The following MAPK8IP1 variants were observed in gnomAD, a reference collection of about 807,000 sequenced individuals.
MAPK8IP1 encodes the protein mitogen-activated protein kinase 8 interacting protein 1.
MAPK8IP1 carries 17 observed loss-of-function variants against 72.6 expected under a neutral mutation model. The observed-to-expected ratio is 0.23, with a 90% CI of 0.16 to 0.35. MAPK8IP1 has a LOEUF of 0.35. Among genes scored for constraint, MAPK8IP1 ranks in the 10% least tolerant of loss-of-function variants. The pLI is 1.00. For missense variants in MAPK8IP1, 789 were observed against 1,009.7 expected (o/e 0.78, Z 2.96); for synonymous variants, 401 against 443.4 (o/e 0.90, Z 1.20).
intron 1 of MAPK8IP1, among the ~76,000 whole-genome samples, chr11:45,887,057 C>T (rs1191790478): frequency 6.6e-6 from 1 of 152,178 alleles, no homozygotes; most frequent in Non-Finnish European, 1.5e-5. Context: ...GGCCTGAAGG[C>T]TCCAGGGCTG....
At chr11:45,897,124 T>C (rs1171272251) in intron 1 of MAPK8IP1, among the ~76,000 whole-genome samples, 1 of 152,156 alleles carries the variant, frequency 6.6e-6, no homozygotes, top group Non-Finnish European at 1.5e-5. Context: ...TTTCCCTTGC[T>C]CTGTGCCTCA....
At chr11:45,899,671 C>T (rs1424578618) in intron 2 of MAPK8IP1, among the ~76,000 whole-genome samples, 1 of 152,168 alleles carries the variant, frequency 6.6e-6, no homozygotes, top group Non-Finnish European at 1.5e-5. Context: ...TCCCATCCCT[C>T]TCAGGTCTCC....
intron 1 of MAPK8IP1, 35 bp downstream of exon 1, chr11:45,885,956 C>A (rs1196641694): frequency 7.3e-7 from 1 of 1,376,590 alleles, no homozygotes; most frequent in Admixed American, 2.7e-5. Context: ...CCTCGCCCTT[C>A]AGCGGGGACT....
intron 1 of MAPK8IP1, among the ~76,000 whole-genome samples, chr11:45,886,488 T>C (rs2086528538): frequency 6.6e-6 from 1 of 152,134 alleles, no homozygotes; most frequent in Non-Finnish European, 1.5e-5. Flanking sequence ...GGGCAGGCGC[T>C]GAAGGCTCAG....
At chr11:45,887,848 C>A (rs1402884031) in intron 1 of MAPK8IP1, among the ~76,000 whole-genome samples, 2 of 152,266 alleles carry the variant, frequency 1.3e-5, no homozygotes, top group African/African-American at 2.4e-5. Flanking sequence ...GCCTGCCCCG[C>A]TGCTCCCAAA....
chr11:45,889,462 A>G (rs192152963), intron 1 of MAPK8IP1, among the ~76,000 whole-genome samples: 59 of 152,380 alleles, frequency 3.9e-4, no homozygotes, highest in Admixed American at 1.2e-3. Flanking sequence ...CATTATAAAG[A>G]AAACTCTAGA....
rs114232179 is a variant in MAPK8IP1, at chr11:45,903,651, C to T, written c.1493+211C>T. Among the ~76,000 whole-genome samples the T allele has an allele frequency of 8.0e-3, 1,224 of 152,306 alleles. 18 individuals carry two copies. The highest frequency in any genetic ancestry group is 0.028 in the African/African-American group (1,153 of 41,566). Reference sequence around the variant, plus strand: ...AGTGAGGGATCCCAGAACTGTGCACCTAGTCTGGCCAGGGGCAGGGCACCC... The same window carrying T: ...AGTGAGGGATCCCAGAACTGTGCACTTAGTCTGGCCAGGGGCAGGGCACCC... On this transcript the variant is annotated intron_variant, in intron 6 of 11. Coordinates refer to ENST00000241014, the MANE Select transcript of MAPK8IP1 (RefSeq NM_005456.4). The surrounding 1 kb of genome is among the most constrained non-coding windows in gnomAD (Gnocchi z 6.4).
In MAPK8IP1 at chr11:45,906,281, G is replaced by T; in HGVS notation, c.*560G>T. 2.7e-6 allele frequency: 1 copy of T among 367,092 alleles called. No individual in the cohort carries two copies. Among genetic ancestry groups the T allele is most frequent in the Non-Finnish European group, 4.9e-6 (1 of 204,168 alleles). 22.7% of individuals were successfully genotyped at this position (367,092 alleles called of 1,614,324 possible). A position where few individuals can be genotyped will look rare whatever the true frequency, so the allele number is the denominator to read the frequency against. The stretch of plus-strand genomic sequence containing the variant: ...TCCGTCATCTGCGGGGCTTCTGGGT[G>T]GCTCCTGCCACTGACCTCACCGGCA... On this transcript the variant is annotated 3_prime_UTR_variant, in exon 12 of 12. Transcript: ENST00000241014.
Position 45,903,594 on chromosome 11 carries a change from A to G in MAPK8IP1, c.1493+154A>G, listed in dbSNP as rs1008262140. Among the ~76,000 whole-genome samples, 2 of 152,074 alleles carry G rather than the reference A, an allele frequency of 1.3e-5. No individual in the cohort carries two copies. Among genetic ancestry groups the G allele is most frequent in the African/African-American group, 4.8e-5 (2 of 41,396 alleles). ...GGAGGACAGTGTCCACTCTCTAGGG[A>G]CTCAGAGTATGGTGACAAAGAGGAT... On this transcript the variant is annotated intron_variant, in intron 6 of 11. Transcript: ENST00000241014. The surrounding 1 kb of genome is among the most constrained non-coding windows in gnomAD (Gnocchi z 6.4).
intron 1 of MAPK8IP1, among the ~76,000 whole-genome samples, chr11:45,895,396 G>C (rs779805895): frequency 1.0e-3 from 159 of 152,222 alleles, no homozygotes; most frequent in Non-Finnish European, 1.0e-3. Context: ...GAGGCGAGCA[G>C]ATCACCTGAG....
At position 45,904,924 on chromosome 11, in the gene MAPK8IP1, C is replaced by T; in HGVS notation, c.1894-47C>T. The T allele has an allele frequency of 6.2e-7, 1 of 1,604,278 alleles. No homozygotes were observed. Among genetic ancestry groups the T allele is most frequent in the Non-Finnish European group, 8.5e-7 (1 of 1,171,028 alleles). On this transcript the variant is annotated intron_variant, in intron 9 of 11. Coordinates refer to ENST00000241014, the MANE Select transcript of MAPK8IP1 (RefSeq NM_005456.4). The surrounding 1 kb of genome is among the most constrained non-coding windows in gnomAD (Gnocchi z 6.4). Reference sequence around the variant, plus strand: ...AAGAGGCCATCTCCTGTCACCCTCACTGCAGGCCAGGTGACCGCCCTCTTG... The same window carrying T: ...AAGAGGCCATCTCCTGTCACCCTCATTGCAGGCCAGGTGACCGCCCTCTTG...
intron 1 of MAPK8IP1, chr11:45,897,048 C>G: frequency 7.5e-7 from 1 of 1,327,516 alleles, no homozygotes; most frequent in Non-Finnish European, 1.1e-6. Flanking sequence ...GGCAGGGAGT[C>G]TGGGCCTCCT....
intron 1 of MAPK8IP1, chr11:45,896,561 C>T (rs2086607216): frequency 8.1e-7 from 1 of 1,234,862 alleles, no homozygotes; most frequent in African/African-American, 1.5e-5. Flanking sequence ...ATTGCAGTAA[C>T]CTGATCCCGT....
intron 1 of MAPK8IP1, 49 bp from the exon 2 acceptor site, chr11:45,898,036 G>A: frequency 8.9e-7 from 1 of 1,117,710 alleles, no homozygotes; most frequent in Non-Finnish European, 1.4e-6. Flanking sequence ...GGAGATGTGA[G>A]CAGGCATAGT....
chr11:45,897,936 C>A, intron 1 of MAPK8IP1, 149 bp from the exon 2 acceptor site: 1 of 643,246 alleles, frequency 1.6e-6, no homozygotes, highest in South Asian at 1.6e-5. Flanking sequence ...CTGCTGACCA[C>A]CCCCTGCATT....
At chr11:45,899,564 TC>T (rs2086633543) in intron 2 of MAPK8IP1, among the ~76,000 whole-genome samples, 2 of 152,048 alleles carry the variant, frequency 1.3e-5, no homozygotes, top group Non-Finnish European at 2.9e-5. Flanking sequence ...GGAGGACCGA[TC>T]TAGGGCTGGA....
At position 45,903,390 on chromosome 11, in the gene MAPK8IP1, C is replaced by G; in HGVS notation, c.1443C>G (p.Ser481=). 6.2e-7 allele frequency: 1 copy of G among 1,613,738 alleles called. No homozygotes were observed. The highest frequency in any genetic ancestry group is 8.5e-7 in the Non-Finnish European group (1 of 1,180,020). ...SSSAESFGLF[S]CIINGEEQEQ... ...GTGCTGAGTCCTTCGGGCTGTTCTC[C>G]TGCATCATCAACGGGGAGGAGCAGG... is the stretch of plus-strand genomic sequence containing the variant. Residue 481 remains serine (S), a synonymous_variant, in exon 6 of 12, where the codon TCC becomes TCG. Coordinates refer to ENST00000241014, the MANE Select transcript of MAPK8IP1 (RefSeq NM_005456.4). This position sits in a 1 kb window ranked among gnomAD's most constrained non-coding sequence, Gnocchi z 6.4.
At chr11:45,899,042 G>C (rs1312799401) in intron 2 of MAPK8IP1, among the ~76,000 whole-genome samples, 1 of 152,136 alleles carries the variant, frequency 6.6e-6, no homozygotes, top group Non-Finnish European at 1.5e-5. Context: ...TGGGGAGGGA[G>C]TACCTGTCTC....
intron 1 of MAPK8IP1, among the ~76,000 whole-genome samples, chr11:45,886,722 C>A (rs1398308249): frequency 3.3e-5 from 5 of 152,136 alleles, no homozygotes. Context: ...AATAGATGTA[C>A]CTCCCCCATA....
Sources: gnomAD v4.1 joint callset for allele counts (sites outside exome capture counted in the v4.1 genomes callset) on GRCh38, gnomAD v4.1.1 for gene constraint, Gnocchi (gnomAD v3.1) non-coding constraint, MANE v1.5 for transcripts, NCBI Gene and HGNC (gene_info 2026-07-23, HGNC 2026-07-21) for gene names.